POLD1: variants seen among roughly 807,000 people sequenced by gnomAD.
POLD1 encodes DNA polymerase delta 1, catalytic subunit, also known as DNA polymerase delta catalytic subunit.
POLD1 carries 79 observed loss-of-function variants against 129.7 expected under a neutral mutation model. That is an observed-to-expected ratio of 0.61 (90% CI 0.51 to 0.73). POLD1 has a LOEUF of 0.73. POLD1 is among the 30% of genes least tolerant of loss of function. POLD1 has a pLI of 0.00. For missense variants in POLD1, 1,338 were observed against 1,595.8 expected (o/e 0.84, Z 2.75); for synonymous variants, 714 against 683.3 (o/e 1.04, Z -0.70).
intron 10 of POLD1, among the ~76,000 whole-genome samples, chr19:50,405,068 TTTTG>T (rs1482751030): frequency 1.3e-5 from 2 of 151,420 alleles, no homozygotes; most frequent in East Asian, 3.9e-4. Flanking sequence ...CCTGGCCTAT[TTTTG>T]TTTTTGTTTT....
intron 3 of POLD1, among the ~76,000 whole-genome samples, chr19:50,399,849 C>A (rs1353774772): frequency 6.6e-6 from 1 of 152,176 alleles, no homozygotes; most frequent in Non-Finnish European, 1.5e-5. Flanking sequence ...GAGTCTTGCC[C>A]TGTTGCCCAG....
At chr19:50,416,583 GC>G in intron 23 of POLD1, 26 bp from the exon 24 acceptor site, 1 of 1,548,302 alleles carries the variant, frequency 6.5e-7, no homozygotes. Context: ...GAGATCACCG[GC>G]CCACCACCTG....
At position 50,390,882 on chromosome 19, in the gene POLD1, C is replaced by T. The variant is rs186913994; in HGVS notation, c.-2+6492C>T. Reference sequence around the variant, plus strand: ...GACACAGCACATGTTTCAGAGAGCACGGGGTTGGGGGTAAGGCCGTAGATT... The same window carrying T: ...GACACAGCACATGTTTCAGAGAGCATGGGGTTGGGGGTAAGGCCGTAGATT... On this transcript the variant is annotated intron_variant, in intron 1 of 26. Coordinates refer to ENST00000440232, the MANE Select transcript of POLD1 (RefSeq NM_002691.4). Among the ~76,000 whole-genome samples the T allele has an allele frequency of 4.3e-3, 653 of 152,124 alleles. 4 individuals are homozygous for T. The highest frequency in any genetic ancestry group is 0.015 in the African/African-American group (613 of 41,402).
chr19:50,406,363 C>A lies in POLD1; in HGVS notation c.1383+41C>A, dbSNP rs2038881407. 6.2e-7 allele frequency: 1 copy of A among 1,611,804 alleles called. No individual in the cohort carries two copies. The highest frequency in any genetic ancestry group is 8.5e-7 in the Non-Finnish European group (1 of 1,178,652). On this transcript the variant is annotated intron_variant, in intron 11 of 26. Transcript: ENST00000440232. The surrounding 1 kb of genome is among the most constrained non-coding windows in gnomAD (Gnocchi z 5.5). ...GGGGTGTGTCCCTGTCCTTGGAAGG[C>A]CACTGCCCAGGCCCGCAGCCCACCA...
intron 19 of POLD1, 149 bp downstream of exon 19, chr19:50,414,028 C>A: frequency 1.3e-6 from 1 of 794,736 alleles, no homozygotes; most frequent in Non-Finnish European, 1.9e-6. Flanking sequence ...GGGAAGCCTC[C>A]AAGGCCTTGG....
In POLD1 at chr19:50,407,725, A is replaced by AT. The variant is rs571759517; in HGVS notation, c.1775+333dup. ...AGGCGCCCACCACCACGCCTGGCTA[A>AT]TTTTTTTTTTTTTTTTTTTTTTTGC... On this transcript the variant is annotated intron_variant, in intron 14 of 26. Transcript: ENST00000440232. 0.027 allele frequency among the ~76,000 whole-genome samples: 2,576 copies of AT among 95,080 alleles called. 50 individuals carry two copies. The highest frequency in any genetic ancestry group is 0.05 in the African/African-American group (1,074 of 21,362). 62.4% of individuals were successfully genotyped at this position (95,080 alleles called of 152,430 possible).
intron 17 of POLD1, among the ~76,000 whole-genome samples, chr19:50,410,057 G>A (rs148618189): frequency 2.2e-3 from 337 of 152,272 alleles, no homozygotes; most frequent in African/African-American, 7.4e-3. Context: ...GGGGCTGGGC[G>A]GGACTCACCC....
At chr19:50,400,742 G>A (rs1358596248) in intron 3 of POLD1, among the ~76,000 whole-genome samples, 1 of 150,004 alleles carries the variant, frequency 6.7e-6, no homozygotes, top group Admixed American at 6.7e-5. Flanking sequence ...TGTCACCTAG[G>A]CTGGAGTGCA....
intron 1 of POLD1, among the ~76,000 whole-genome samples, chr19:50,385,503 G>A (rs977087339): frequency 6.6e-6 from 1 of 151,582 alleles, no homozygotes; most frequent in Admixed American, 6.6e-5. Flanking sequence ...TTCCACTGAA[G>A]GAACTTGTTG....
chr19:50,395,706 G>A (rs779879750), intron 1 of POLD1, among the ~76,000 whole-genome samples: 17 of 151,504 alleles, frequency 1.1e-4, no homozygotes, highest in South Asian at 2.1e-4. Context: ...CTCTGTATAC[G>A]TACACTCACT....
In POLD1 at chr19:50,396,489, A is replaced by T. The variant is rs374949901; in HGVS notation, c.-1-2362A>T. 2.8e-4 allele frequency among the ~76,000 whole-genome samples: 42 copies of T among 149,462 alleles called. No homozygotes were observed. In the South Asian group the frequency reaches 3.0e-3, roughly 11 times the overall value. On this transcript the variant is annotated intron_variant, in intron 1 of 26. Transcript: ENST00000440232. ...CCCCAAAATAATAATATATATATAT[A>T]TTTTTTGAGATGGAGTCTCGCTCTG...
chr19:50,413,679 C>T (rs1347472490), intron 18 of POLD1, 63 bp from the exon 19 acceptor site: 36 of 1,558,974 alleles, frequency 2.3e-5, no homozygotes, highest in Admixed American at 5.3e-5. Flanking sequence ...TGCCACCCCC[C>T]GACACCAGTA....
chr19:50,404,570 C>G (rs1156588666), intron 10 of POLD1, among the ~76,000 whole-genome samples: 2 of 94,494 alleles, frequency 2.1e-5, no homozygotes, highest in African/African-American at 9.2e-5. Context: ...CCCCTTTTCT[C>G]TTTCTTTTTT....
intron 19 of POLD1, 58 bp from the exon 20 acceptor site, chr19:50,414,757 C>T (rs2039211331): frequency 7.3e-7 from 1 of 1,370,064 alleles, no homozygotes; most frequent in African/African-American, 1.5e-5. Context: ...TGGGGGGCGT[C>T]TCCAGATTGG....
intron 24 of POLD1, 101 bp from the exon 25 acceptor site, chr19:50,416,944 C>A: frequency 1.5e-6 from 2 of 1,302,564 alleles, no homozygotes; most frequent in Non-Finnish European, 2.1e-6. Context: ...TGTTCTCCAG[C>A]CTCTGGGGAC....
At position 50,409,058 on chromosome 19, in the gene POLD1, G is replaced by A. The variant is rs56380587; in HGVS notation, c.1893-64G>A. ...TGTGCTCATGGCCAAGGCCAGGACC[G>A]TAGGGCAGAGGTGGGCTGGAGCAGG... On this transcript the variant is annotated intron_variant, in intron 15 of 26. Transcript: ENST00000440232. The surrounding 1 kb of genome is among the most constrained non-coding windows in gnomAD (Gnocchi z 5.8). The A allele has an allele frequency of 2.3e-4, 318 of 1,381,836 alleles. No individual in the cohort carries two copies. The highest frequency in any genetic ancestry group is 1.6e-3 in the African/African-American group (113 of 70,526). The allele number at this position is 1,381,836 out of a possible 1,614,324, so 85.6% of individuals were successfully genotyped here.
chr19:50,397,977 T>C (rs537133216), intron 1 of POLD1, among the ~76,000 whole-genome samples: 53 of 152,070 alleles, frequency 3.5e-4, no homozygotes, highest in Non-Finnish European at 6.6e-4. Flanking sequence ...TGCTAACATG[T>C]GGAGGGGTAT....
intron 10 of POLD1, among the ~76,000 whole-genome samples, chr19:50,404,281 A>G (rs1283085638): frequency 5.6e-4 from 83 of 148,760 alleles, no homozygotes; most frequent in African/African-American, 2.1e-3. Flanking sequence ...TTTTTTTTCC[A>G]AGACAAAGTC....
chr19:50,387,726 G>A (rs1248871464), intron 1 of POLD1: 3 of 152,524 alleles, frequency 2.0e-5, no homozygotes, highest in Admixed American at 6.5e-5. Flanking sequence ...GTCTCTCCTC[G>A]CAGATCATCA....
Sources: allele counts gnomAD v4.1 joint callset (sites outside exome capture counted in the v4.1 genomes callset), GRCh38; gene constraint gnomAD v4.1.1; non-coding constraint Gnocchi (gnomAD v3.1); transcripts MANE v1.5; gene names NCBI Gene and HGNC (gene_info 2026-07-23, HGNC 2026-07-21).